The following THSD7A variants were observed in gnomAD, a reference collection of about 807,000 sequenced individuals.
THSD7A encodes the protein thrombospondin type 1 domain containing 7A, also known as thrombospondin type-1 domain-containing protein 7A.
A neutral mutation model predicts 231.3 loss-of-function variants in THSD7A; 96 were observed. The ratio of observed to expected loss-of-function variants is 0.41; its 90% CI spans 0.35 to 0.49. The LOEUF is 0.49. THSD7A is among the 20% of genes least tolerant of loss of function. The pLI is 0.05. For missense variants in THSD7A, 2,290 were observed against 2,070.2 expected, an observed-to-expected ratio of 1.11 and a Z score of -2.06; for synonymous variants, 940 against 743.3, an observed-to-expected ratio of 1.26 and a Z score of -4.30.
chr7:11,482,108 C>T, intron 6 of THSD7A, 126 bp from the exon 7 acceptor site: 1 of 1,037,290 alleles, frequency 9.6e-7, no homozygotes, highest in African/African-American at 1.6e-5. Flanking sequence ...AAAACGTAGC[C>T]AAAAGAGGGA....
chr7:11,496,677 A>G (rs1787115239), intron 6 of THSD7A, among the ~76,000 whole-genome samples: 1 of 152,312 alleles, frequency 6.6e-6, no homozygotes, highest in Non-Finnish European at 1.5e-5. Flanking sequence ...AGCTGCTTAC[A>G]CTAATTTTTA....
At chr7:11,574,503 C>T (rs368448373) in intron 4 of THSD7A, among the ~76,000 whole-genome samples, 1 of 150,548 alleles carries the variant, frequency 6.6e-6, no homozygotes, top group Non-Finnish European at 1.5e-5. Context: ...GGCACGATCT[C>T]GGCTCACTGC....
intron 23 of THSD7A, among the ~76,000 whole-genome samples, chr7:11,393,477 G>A (rs11983060): frequency 0.29 from 43,591 of 152,030 alleles, 7,477 homozygotes; most frequent in African/African-American, 0.48. Flanking sequence ...ACAACTCTTC[G>A]CCAGCAGGGG....
intron 6 of THSD7A, among the ~76,000 whole-genome samples, chr7:11,501,385 A>T (rs1787330925): frequency 6.6e-6 from 1 of 152,226 alleles, no homozygotes; most frequent in Non-Finnish European, 1.5e-5. Flanking sequence ...TGGACATAAA[A>T]CAGTCCTCAA....
At chr7:11,782,467 G>T (rs1381105169) in intron 1 of THSD7A, among the ~76,000 whole-genome samples, 1 of 152,064 alleles carries the variant, frequency 6.6e-6, no homozygotes, top group Non-Finnish European at 1.5e-5. Flanking sequence ...AGTAATTCTA[G>T]TATTTACCGA....
intron 9 of THSD7A, 135 bp downstream of exon 9, chr7:11,469,744 T>C (rs1785857380): frequency 1.7e-6 from 1 of 579,052 alleles, no homozygotes. Context: ...GAAACTAACA[T>C]TTTATGGCAT....
At chr7:11,679,029 C>T (rs756163533) in intron 1 of THSD7A, among the ~76,000 whole-genome samples, 1 of 152,162 alleles carries the variant, frequency 6.6e-6, no homozygotes, top group Non-Finnish European at 1.5e-5. Flanking sequence ...CCCTGGGATG[C>T]AAGGCTGGTT....
At chr7:11,485,537 G>C (rs1786620406) in intron 6 of THSD7A, among the ~76,000 whole-genome samples, 1 of 152,132 alleles carries the variant, frequency 6.6e-6, no homozygotes, top group Non-Finnish European at 1.5e-5. Flanking sequence ...TTTGACATCA[G>C]TATTACTATC....
At chr7:11,517,827 C>G (rs567029195) in intron 6 of THSD7A, among the ~76,000 whole-genome samples, 2 of 152,138 alleles carry the variant, frequency 1.3e-5, no homozygotes, top group Non-Finnish European at 1.5e-5. Flanking sequence ...GAATCAGGTG[C>G]CTTTGAGAAA....
chr7:11,496,540 A>T (rs761723303), intron 6 of THSD7A, among the ~76,000 whole-genome samples: 1 of 152,126 alleles, frequency 6.6e-6, no homozygotes, highest in African/African-American at 2.4e-5. Context: ...TTTTTCATGT[A>T]TGAGGCCAAA....
intron 11 of THSD7A, among the ~76,000 whole-genome samples, chr7:11,452,106 T>C (rs1455596181): frequency 6.6e-6 from 1 of 151,920 alleles, no homozygotes; most frequent in East Asian, 1.9e-4. Context: ...ATTAACATGG[T>C]TTATACCACT....
intron 4 of THSD7A, among the ~76,000 whole-genome samples, chr7:11,554,558 T>C (rs970655310): frequency 6.6e-6 from 1 of 152,106 alleles, no homozygotes; most frequent in Non-Finnish European, 1.5e-5. Flanking sequence ...GTATTGATTA[T>C]GTTTTTAGTC....
At chr7:11,756,309 T>C (rs10247807) in intron 1 of THSD7A, among the ~76,000 whole-genome samples, 5,129 of 152,222 alleles carry the variant, frequency 0.034, 323 homozygotes, top group African/African-American at 0.11. Context: ...AGGTGACTTC[T>C]AGGGTCAAGA....
intron 4 of THSD7A, among the ~76,000 whole-genome samples, chr7:11,560,818 A>G (rs969807573): frequency 5.9e-5 from 9 of 152,182 alleles, no homozygotes; most frequent in Admixed American, 2.0e-4. Flanking sequence ...AAAAGCATTG[A>G]CAAGTCAAAT....
chr7:11,689,890 T>C (rs1212881376), intron 1 of THSD7A, among the ~76,000 whole-genome samples: 3 of 151,208 alleles, frequency 2.0e-5, no homozygotes, highest in African/African-American at 4.8e-5. Context: ...GATTTGTATC[T>C]GCCCACATTA....
chr7:11,489,671 T>C (rs555690554), intron 6 of THSD7A, among the ~76,000 whole-genome samples: 1 of 152,166 alleles, frequency 6.6e-6, no homozygotes, highest in South Asian at 2.1e-4. Context: ...GTGCTTGGCA[T>C]ATCCCACTGT....
At chr7:11,469,737 A>G (rs544308059) in intron 9 of THSD7A, 142 bp downstream of exon 9, 1 of 567,060 alleles carries the variant, frequency 1.8e-6, no homozygotes, top group African/African-American at 1.9e-5. Flanking sequence ...CTAGAGGGAA[A>G]CTAACATTTT....
chr7:11,723,297 G>T (rs1208012659), intron 1 of THSD7A, among the ~76,000 whole-genome samples: 2 of 149,104 alleles, frequency 1.3e-5, no homozygotes, highest in Admixed American at 6.7e-5. Context: ...GACACAGGAA[G>T]GGGAACATCA....
At chr7:11,509,746 C>T (rs562533083) in intron 6 of THSD7A, among the ~76,000 whole-genome samples, 179 of 140,704 alleles carry the variant, frequency 1.3e-3, no homozygotes, top group Admixed American at 5.7e-3. Context: ...GGCATGAACC[C>T]GGGAGGCGGA....
Sources: gnomAD v4.1 joint callset for allele counts (sites outside exome capture counted in the v4.1 genomes callset) on GRCh38, gnomAD v4.1.1 for gene constraint, MANE v1.5 for transcripts, NCBI Gene and HGNC (gene_info 2026-07-23, HGNC 2026-07-21) for gene names.